KDM4C: variants seen among roughly 807,000 people sequenced by gnomAD.
KDM4C encodes lysine demethylase 4C, also known as lysine-specific demethylase 4C.
KDM4C carries 81 observed loss-of-function variants against 129.3 expected under a neutral mutation model. The observed-to-expected ratio is 0.63, with a 90% CI of 0.52 to 0.75. The LOEUF is 0.75. KDM4C is among the 30% of genes least tolerant of loss of function. The probability of loss-of-function intolerance (pLI) is 0.00; values close to 1 mark genes in which losing one functional copy is unlikely to be tolerated. For missense variants in KDM4C, 1,457 were observed against 1,304.0 expected (o/e 1.12, Z -1.81); for synonymous variants, 573 against 456.1 (o/e 1.26, Z -3.26).
chr9:7,091,321 GAA>G lies in KDM4C; in HGVS notation c.2425-12354_2425-12353del, dbSNP rs60196704. ...AACTGGATAAACATAGGCAATAAAAGAAAAAAAAAAAGATTTCGGCAAACTTC... is the reference window on the plus strand; with the variant it reads ...AACTGGATAAACATAGGCAATAAAAGAAAAAAAAAGATTTCGGCAAACTTC... On this transcript the variant is annotated intron_variant, in intron 17 of 21. Coordinates refer to ENST00000381309, the MANE Select transcript of KDM4C (RefSeq NM_015061.6). Among the ~76,000 whole-genome samples the G allele has an allele frequency of 4.9e-3, 733 of 149,838 alleles. 6 individuals are homozygous for G. Among genetic ancestry groups the G allele is most frequent in the African/African-American group, 0.016 (654 of 40,796 alleles).
chr9:6,971,108 A>G (rs117617371), intron 8 of KDM4C, among the ~76,000 whole-genome samples: 1 of 152,242 alleles, frequency 6.6e-6, no homozygotes. Context: ...ATAGGCAGCC[A>G]CATCTGAAGA....
intron 20 of KDM4C, among the ~76,000 whole-genome samples, chr9:7,167,412 A>G (rs77748420): frequency 0.028 from 4,323 of 152,250 alleles, 157 homozygotes; most frequent in East Asian, 0.19. Context: ...TGTCTTTTCG[A>G]TGTTTTAAGT....
intron 3 of KDM4C, 144 bp from the exon 4 acceptor site, chr9:6,814,487 T>C (rs140671895): frequency 6.3e-5 from 33 of 522,366 alleles, no homozygotes; most frequent in African/African-American, 6.2e-4. Context: ...AATCAGTTTG[T>C]ATGTTTACTT....
intron 4 of KDM4C, among the ~76,000 whole-genome samples, chr9:6,827,100 C>G (rs909306557): frequency 2.6e-5 from 4 of 152,082 alleles, no homozygotes; most frequent in African/African-American, 4.8e-5. Context: ...CACCCACTGC[C>G]CCATTTTCTG....
intron 1 of KDM4C, among the ~76,000 whole-genome samples, chr9:6,737,889 C>G (rs1198431949): frequency 1.3e-5 from 2 of 151,976 alleles, no homozygotes; most frequent in African/African-American, 4.8e-5. Flanking sequence ...GTAATCCCAG[C>G]ACTTTGGGAG....
intron 4 of KDM4C, among the ~76,000 whole-genome samples, chr9:6,824,596 G>A (rs1169696517): frequency 1.4e-5 from 2 of 144,718 alleles, no homozygotes. Context: ...TATTGTATTA[G>A]AAATTAAGGC....
Position 7,114,949 on chromosome 9 carries a change from T to C in KDM4C, c.2610+11079T>C, listed in dbSNP as rs187621094. Among the ~76,000 whole-genome samples the C allele has an allele frequency of 2.5e-3, 375 of 152,170 alleles. 3 individuals carry two copies. Among genetic ancestry groups the C allele is most frequent in the Admixed American group, 7.2e-3 (110 of 15,272 alleles). ...CTAAAATTAGCTGGTCGTGGTGGTGTGCGCCTATGGTCCCAGCTACTTGGG... is the reference window on the plus strand; with the variant it reads ...CTAAAATTAGCTGGTCGTGGTGGTGCGCGCCTATGGTCCCAGCTACTTGGG... On this transcript the variant is annotated intron_variant, in intron 18 of 21. Transcript: ENST00000381309.
chr9:6,826,113 T>G (rs1371819229), intron 4 of KDM4C, among the ~76,000 whole-genome samples: 4 of 152,104 alleles, frequency 2.6e-5, no homozygotes, highest in African/African-American at 9.7e-5. Flanking sequence ...TGCCTGGCCT[T>G]GTGGAGAATC....
intron 17 of KDM4C, among the ~76,000 whole-genome samples, chr9:7,072,556 C>T (rs1474981878): frequency 6.6e-6 from 1 of 152,192 alleles, no homozygotes; most frequent in Non-Finnish European, 1.5e-5. Context: ...ATTTATGTCA[C>T]ATTCTGTAAA....
At chr9:6,787,975 T>G (rs2130827649) in intron 1 of KDM4C, among the ~76,000 whole-genome samples, 1 of 152,354 alleles carries the variant, frequency 6.6e-6, no homozygotes, top group South Asian at 2.1e-4. Flanking sequence ...ATTCTCCTCC[T>G]TGCTTACTGA....
intron 1 of KDM4C, among the ~76,000 whole-genome samples, chr9:6,769,141 C>T (rs958989706): frequency 6.6e-6 from 1 of 151,544 alleles, no homozygotes; most frequent in Non-Finnish European, 1.5e-5. Context: ...TTGCAGTTTT[C>T]TTGGGTCGTT....
intron 15 of KDM4C, among the ~76,000 whole-genome samples, chr9:7,032,592 G>C (rs1055006823): frequency 2.0e-5 from 3 of 152,310 alleles, no homozygotes; most frequent in African/African-American, 7.2e-5. Context: ...TAAAGGCTAA[G>C]GAATTCTTCG....
intron 8 of KDM4C, among the ~76,000 whole-genome samples, chr9:6,922,035 G>A (rs943303587): frequency 6.6e-6 from 1 of 152,174 alleles, no homozygotes; most frequent in African/African-American, 2.4e-5. Flanking sequence ...CTGTGAAGGG[G>A]ATTTTGCCTT....
chr9:7,113,723 AAT>A (rs754354835), intron 18 of KDM4C, among the ~76,000 whole-genome samples: 5 of 152,242 alleles, frequency 3.3e-5, no homozygotes, highest in Non-Finnish European at 7.3e-5. Flanking sequence ...AATGAAAAAT[AAT>A]TTCTCGAGCA....
At chr9:6,945,113 T>C (rs901457526) in intron 8 of KDM4C, among the ~76,000 whole-genome samples, 8 of 152,156 alleles carry the variant, frequency 5.3e-5, no homozygotes, top group African/African-American at 1.9e-4. Flanking sequence ...CTTCCACCTC[T>C]TACTCACTGC....
chr9:7,064,612 G>T (rs759502184), intron 17 of KDM4C, among the ~76,000 whole-genome samples: 28 of 152,198 alleles, frequency 1.8e-4, no homozygotes, highest in Non-Finnish European at 5.9e-5. Context: ...AACGTGCAAG[G>T]CTCCTCAATA....
rs116056137 is a variant in KDM4C, at chr9:7,064,262, C to G, written c.2424+15062C>G. 4.9e-3 allele frequency among the ~76,000 whole-genome samples: 749 copies of G among 152,194 alleles called. 5 individuals carry two copies. The highest frequency in any genetic ancestry group is 0.017 in the African/African-American group (714 of 41,508). The stretch of plus-strand genomic sequence containing the variant: ...ATGAAAAAGGATGTAAAATATCTCA[C>G]TGATTATTTTTATATTGTCAATATG... On this transcript the variant is annotated intron_variant, in intron 17 of 21. Coordinates refer to ENST00000381309, the MANE Select transcript of KDM4C (RefSeq NM_015061.6).
chr9:6,954,153 C>G (rs908640809), intron 8 of KDM4C, among the ~76,000 whole-genome samples: 1 of 152,162 alleles, frequency 6.6e-6, no homozygotes, highest in Non-Finnish European at 1.5e-5. Context: ...TCTTCTGTCC[C>G]TTCGTACACA....
chr9:6,818,211 T>C (rs1832472196), intron 4 of KDM4C, among the ~76,000 whole-genome samples: 1 of 152,228 alleles, frequency 6.6e-6, no homozygotes, highest in African/African-American at 2.4e-5. Context: ...TTGAAACATT[T>C]CCAATATTGC....
Sources: allele counts gnomAD v4.1 joint callset (sites outside exome capture counted in the v4.1 genomes callset), GRCh38; gene constraint gnomAD v4.1.1; transcripts MANE v1.5; gene names NCBI Gene and HGNC (gene_info 2026-07-23, HGNC 2026-07-21).